The following CES5A variants were observed in gnomAD, a reference collection of about 807,000 sequenced individuals.
The protein encoded by CES5A is carboxylesterase 5.
A neutral mutation model predicts 62.9 loss-of-function variants in CES5A; 67 were observed. The ratio of observed to expected loss-of-function variants is 1.07; its 90% CI spans 0.88 to 1.31. The LOEUF is 1.31. Ranked by LOEUF, CES5A falls within the 50% of genes most tolerant of loss-of-function variation. The pLI is 0.00. For synonymous variants in CES5A, 296 were observed against 280.8 expected, an observed-to-expected ratio of 1.05 and a Z score of -0.54; for missense variants, 748 against 708.5, an observed-to-expected ratio of 1.06 and a Z score of -0.63.
At chr16:55,951,342 T>A (rs1449270074) in intron 1 of CES5A, among the ~76,000 whole-genome samples, 1 of 152,092 alleles carries the variant, frequency 6.6e-6, no homozygotes, top group Non-Finnish European at 1.5e-5. Flanking sequence ...TAAAAGTTTT[T>A]AATATTTTTT....
At chr16:55,938,966 T>C (rs2034418329) in intron 2 of CES5A, among the ~76,000 whole-genome samples, 1 of 151,432 alleles carries the variant, frequency 6.6e-6, no homozygotes, top group Admixed American at 6.6e-5. Context: ...GTGTTGTTCA[T>C]GTACCTGAAA....
chr16:55,932,265 C>T (rs532261955), intron 2 of CES5A, among the ~76,000 whole-genome samples: 247 of 152,262 alleles, frequency 1.6e-3, no homozygotes, highest in South Asian at 8.3e-3. Context: ...AAGGCCCTCA[C>T]CAGATGCAAC....
chr16:55,897,587 C>T (rs760332320), intron 1 of CES5A, among the ~76,000 whole-genome samples: 10 of 152,278 alleles, frequency 6.6e-5, no homozygotes, highest in Non-Finnish European at 1.0e-4. Context: ...CCAGAATACC[C>T]AAATTTTCTG....
At chr16:55,944,415 C>T (rs1329159654) in intron 2 of CES5A, 8 of 293,724 alleles carry the variant, frequency 2.7e-5, no homozygotes, top group African/African-American at 1.7e-4. Flanking sequence ...CTTCTAGTCC[C>T]TGCAGTGCGG....
intron 1 of CES5A, among the ~76,000 whole-genome samples, chr16:55,953,399 T>A (rs1302875909): frequency 6.6e-6 from 1 of 152,098 alleles, no homozygotes; most frequent in African/African-American, 2.4e-5. Context: ...GTATATGCAG[T>A]CAGTATAACC....
intron 1 of CES5A, among the ~76,000 whole-genome samples, chr16:55,909,489 G>T (rs1175678536): frequency 2.0e-5 from 3 of 152,122 alleles, no homozygotes; most frequent in Non-Finnish European, 4.4e-5. Context: ...CAGAGAGGTG[G>T]CAGAGAGGAG....
At chr16:55,941,935 A>T (rs529579768) in intron 2 of CES5A, among the ~76,000 whole-genome samples, 1 of 152,312 alleles carries the variant, frequency 6.6e-6, no homozygotes, top group South Asian at 2.1e-4. Context: ...TTCTTTTTAG[A>T]CCTTTTAATT....
In CES5A at chr16:55,846,808, G is replaced by C. The variant is rs142917769; in HGVS notation, c.1456C>G (p.Arg486Gly). ...GTAGCCCAGTATTTCATCATCTTCCGGCTCAGTAACTTCTCCTCCTCCGTG... is the reference window on the plus strand; with the variant it reads ...GTAGCCCAGTATTTCATCATCTTCCCGCTCAGTAACTTCTCCTCCTCCGTG... ...GATEEEKLLSRKMMKYWATFA... is the reference protein window; with the variant it reads ...GATEEEKLLSGKMMKYWATFA... The change falls in exon 12 of 13, where the codon CGG (arginine) becomes GGG (glycine). Residue 486 changes from arginine to glycine, a missense_variant. Transcript: ENST00000290567. 1.4e-5 allele frequency: 23 copies of C among 1,614,056 alleles called. No homozygotes were observed. In the East Asian group the frequency reaches 4.5e-4, roughly 31 times the overall value.
chr16:55,943,058 T>C (rs1309150910), intron 2 of CES5A, among the ~76,000 whole-genome samples: 1 of 152,198 alleles, frequency 6.6e-6, no homozygotes, highest in Non-Finnish European at 1.5e-5. Flanking sequence ...GGGATGTAAA[T>C]ACTTTGTAGC....
intron 2 of CES5A, among the ~76,000 whole-genome samples, chr16:55,942,103 A>G (rs1278379763): frequency 1.3e-5 from 2 of 152,214 alleles, no homozygotes. Context: ...ACCTAAGCAT[A>G]AAAGTGAAAA....
intron 5 of CES5A, 21 bp from the exon 6 acceptor site, chr16:55,863,473 A>T (rs751740345): frequency 6.9e-6 from 9 of 1,295,594 alleles, no homozygotes; most frequent in South Asian, 1.2e-5. Flanking sequence ...AACACAGAAG[A>T]CCCAGGAAAG....
At chr16:55,861,284 G>A in intron 7 of CES5A, 128 bp downstream of exon 7, 3 of 630,534 alleles carry the variant, frequency 4.8e-6, no homozygotes, top group South Asian at 1.9e-5. Flanking sequence ...TTTTACAGCT[G>A]TTACCAAGTA....
intron 1 of CES5A, 60 bp downstream of exon 1, chr16:55,875,089 G>A: frequency 2.0e-6 from 3 of 1,509,824 alleles, no homozygotes; most frequent in Non-Finnish European, 2.8e-6. Flanking sequence ...ATTTCTACCA[G>A]TGGAAAATCC....
intron 2 of CES5A, among the ~76,000 whole-genome samples, chr16:55,938,600 G>T (rs1217952897): frequency 1.3e-5 from 2 of 150,768 alleles, no homozygotes; most frequent in African/African-American, 2.4e-5. Context: ...ATCTGGGTAT[G>T]GTGGCGGGTG....
chr16:55,910,384 C>T (rs1373387380), intron 1 of CES5A, among the ~76,000 whole-genome samples: 2 of 152,312 alleles, frequency 1.3e-5, no homozygotes, highest in African/African-American at 4.8e-5. Context: ...TAAAGAACAG[C>T]TTCAGTCCAC....
chr16:55,908,084 G>A lies in CES5A; in HGVS notation c.-256+17239C>T, dbSNP rs1201706916. Among the ~76,000 whole-genome samples the A allele has an allele frequency of 2.0e-5, 3 of 152,092 alleles. No individual in the cohort carries two copies. The East Asian group carries it at 5.8e-4, about 29-fold the overall frequency. Reference sequence around the variant, plus strand: ...TATTCTCTTGTCTGGCCTCGGTATTGAAGAACCATCTCCTCCTTCCCCTGC... The same window carrying A: ...TATTCTCTTGTCTGGCCTCGGTATTAAAGAACCATCTCCTCCTTCCCCTGC... On this transcript the variant is annotated intron_variant, in intron 1 of 12. Coordinates refer to the CES5A transcript ENST00000518005.
intron 11 of CES5A, among the ~76,000 whole-genome samples, chr16:55,849,313 G>A (rs575911435): frequency 1.3e-5 from 2 of 151,462 alleles, no homozygotes; most frequent in South Asian, 2.1e-4. Context: ...GGTAAGACCA[G>A]TGGTCAAAGA....
upstream of CES5A, among the ~76,000 whole-genome samples, chr16:55,878,844 A>C (rs367962328): frequency 1.1e-3 from 130 of 115,860 alleles, no homozygotes; most frequent in South Asian, 0.035. Context: ...CTGCACCCCC[A>C]CCACTACCTC....
intron 10 of CES5A, among the ~76,000 whole-genome samples, chr16:55,851,100 G>A (rs1422367528): frequency 6.6e-6 from 1 of 152,042 alleles, no homozygotes; most frequent in Non-Finnish European, 1.5e-5. Context: ...TCTTATATAT[G>A]ACACCAAAAC....
Sources: gnomAD v4.1 joint callset for allele counts (sites outside exome capture counted in the v4.1 genomes callset) on GRCh38, gnomAD v4.1.1 for gene constraint, MANE v1.5 for transcripts, NCBI Gene and HGNC (gene_info 2026-07-23, HGNC 2026-07-21) for gene names.